Variants in ZNF469 observed in about 807,000 individuals in gnomAD.
The protein encoded by ZNF469 is zinc finger protein 469.
ZNF469 carries 1 observed loss-of-function variant against 1.0 expected under a neutral mutation model. The observed-to-expected ratio is 1.00, with a 90% confidence interval of 0.35 to 4.73. The LOEUF (loss-of-function observed/expected upper bound fraction) is 4.73. ZNF469 is among the 30% of genes most tolerant of loss of function. The pLI is 0.16. For missense variants in ZNF469, 6,100 were observed against 5,356.3 expected, an observed-to-expected ratio of 1.14 and a Z score of -4.33; for synonymous variants, 2,703 against 2,363.4, an observed-to-expected ratio of 1.14 and a Z score of -4.17.
chr16:88,435,296 A>G lies in ZNF469; in HGVS notation c.7826A>G (p.Lys2609Arg), dbSNP rs1906489981. 3 of 1,550,228 alleles carry G rather than the reference A, an allele frequency of 1.9e-6. No homozygotes were observed. Among genetic ancestry groups the G allele is most frequent in the South Asian group, 1.2e-5 (1 of 84,066 alleles). The change falls in exon 3 of 3, where the codon AAA becomes AGA. Residue 2609 changes from lysine (K) to arginine (R), a missense_variant. Lys to Arg is a conservative substitution (Grantham distance 26, BLOSUM62 2). Transcript: ENST00000565624. ...EDELHPKQAE[K>R]REGRRWRREP... The stretch of plus-strand genomic sequence containing the variant: ...GAGCTGCATCCCAAACAGGCAGAAA[A>G]AAGAGAAGGCCGGAGGTGGCGCCGA...
At chr16:88,195,956 G>A in the ZNF469 span, among the ~76,000 whole-genome samples, 2 of 152,226 alleles carry the variant, frequency 1.3e-5, no homozygotes, top group Non-Finnish European at 2.9e-5. Context: ...ATTAACTTGG[G>A]AAACTGGAAT....
At chr16:88,182,126 A>G in the ZNF469 span, among the ~76,000 whole-genome samples, 11,938 of 152,264 alleles carry the variant, frequency 0.078, 716 homozygotes, top group East Asian at 0.23. Flanking sequence ...AATATTCACC[A>G]TAACATCACA....
intron 1 of ZNF469, among the ~76,000 whole-genome samples, chr16:88,423,049 A>G (rs970865404): frequency 6.7e-6 from 1 of 149,326 alleles, no homozygotes; most frequent in African/African-American, 2.5e-5. Flanking sequence ...AGGTGGGTGG[A>G]TGGATGGGTA....
At position 88,435,708 on chromosome 16, in the gene ZNF469, G is replaced by A. The variant is rs372014903; in HGVS notation, c.8238G>A (p.Gly2746=). 7 of 1,550,636 alleles carry A rather than the reference G, an allele frequency of 4.5e-6. No individual in the cohort carries two copies. Among genetic ancestry groups the A allele is most frequent in the Non-Finnish European group, 5.2e-6 (6 of 1,147,012 alleles). Residue 2746 remains glycine (G), a synonymous_variant, in exon 3 of 3, where the codon GGG becomes GGA. Coordinates refer to ENST00000565624, the MANE Select transcript of ZNF469 (RefSeq NM_001367624.2). ...DGAALGEQPT[G]QKGASARGFW... ...CAGCTCTGGGGGAACAGCCAACTGG[G>A]CAGAAGGGAGCCTCGGCAAGGGGGT...
chr16:88,108,363 C>T, the ZNF469 span, among the ~76,000 whole-genome samples: 1 of 152,174 alleles, frequency 6.6e-6, no homozygotes, highest in Non-Finnish European at 1.5e-5. Flanking sequence ...GGTCTGGCTG[C>T]TGGTGCAGCC....
At chr16:88,399,389 A>T (rs920780988) in intron 1 of ZNF469, among the ~76,000 whole-genome samples, 11 of 152,300 alleles carry the variant, frequency 7.2e-5, no homozygotes, top group Admixed American at 6.5e-4. Context: ...ACATTCAATT[A>T]CTTGCCCAGA....
the ZNF469 span, among the ~76,000 whole-genome samples, chr16:88,373,985 GTGAGACT>G: frequency 6.6e-6 from 1 of 151,454 alleles, no homozygotes; most frequent in Admixed American, 6.6e-5. Context: ...GGGCAACAGA[GTGAGACT>G]TTGTCTAAAA....
chr16:88,314,094 A>C, the ZNF469 span, among the ~76,000 whole-genome samples: 15 of 136,960 alleles, frequency 1.1e-4, no homozygotes, highest in African/African-American at 3.2e-4. Context: ...GATTATGATG[A>C]TGCTGCTGTG....
At chr16:88,233,941 C>T in the ZNF469 span, among the ~76,000 whole-genome samples, 74 of 152,358 alleles carry the variant, frequency 4.9e-4, 1 homozygote, top group East Asian at 0.013. Flanking sequence ...AGGGATTTGG[C>T]CTGTTTGTCA....
the ZNF469 span, among the ~76,000 whole-genome samples, chr16:88,181,233 G>C: frequency 2.0e-5 from 3 of 152,168 alleles, no homozygotes; most frequent in Admixed American, 1.3e-4. Flanking sequence ...ACCACGCCTG[G>C]CTAATTTTTT....
chr16:88,271,589 G>C, the ZNF469 span, among the ~76,000 whole-genome samples: 1 of 140,042 alleles, frequency 7.1e-6, no homozygotes, highest in African/African-American at 2.5e-5. Flanking sequence ...GCATCCAGGG[G>C]GCCAGGCCCC....
the ZNF469 span, among the ~76,000 whole-genome samples, chr16:88,265,158 T>TC: frequency 5.3e-5 from 8 of 151,752 alleles, no homozygotes; most frequent in South Asian, 2.1e-4. Context: ...CAATGGGGAG[T>TC]CCCGCTCTGC....
the ZNF469 span, among the ~76,000 whole-genome samples, chr16:88,344,189 C>T: frequency 2.7e-5 from 4 of 149,162 alleles, no homozygotes; most frequent in African/African-American, 5.0e-5. Flanking sequence ...CCAGAGGAGC[C>T]GAAGGAGACA....
chr16:88,132,267 C>T, the ZNF469 span, among the ~76,000 whole-genome samples: 1 of 152,264 alleles, frequency 6.6e-6, no homozygotes, highest in Non-Finnish European at 1.5e-5. Flanking sequence ...GAAGTGATCC[C>T]AGTCACTCGG....
chr16:88,240,950 C>G, the ZNF469 span, among the ~76,000 whole-genome samples: 2 of 152,118 alleles, frequency 1.3e-5, no homozygotes, highest in Non-Finnish European at 2.9e-5. Flanking sequence ...ACCCCAGGGG[C>G]TGGGCGGAAA....
chr16:88,432,753 T>C lies in ZNF469; in HGVS notation c.5283T>C (p.Ser1761=), dbSNP rs1183084506. 17 of 1,550,270 alleles carry C rather than the reference T, an allele frequency of 1.1e-5. No individual in the cohort carries two copies. Among genetic ancestry groups the C allele is most frequent in the African/African-American group, 2.7e-5 (2 of 73,052 alleles). ...KNKEAASSQE[S]EDSLRLLPCE... Reference sequence around the variant, plus strand: ...AGGAGGCCGCCAGCTCACAAGAAAGTGAAGACTCCCTGCGGCTGCTTCCCT... The same window carrying C: ...AGGAGGCCGCCAGCTCACAAGAAAGCGAAGACTCCCTGCGGCTGCTTCCCT... Residue 1761 remains serine, a synonymous_variant, in exon 3 of 3, where the codon AGT becomes AGC. Coordinates refer to ENST00000565624, the MANE Select transcript of ZNF469 (RefSeq NM_001367624.2).
chr16:88,112,604 T>C, the ZNF469 span, among the ~76,000 whole-genome samples: 2 of 152,130 alleles, frequency 1.3e-5, no homozygotes, highest in Non-Finnish European at 2.9e-5. Context: ...TCTATTCAGA[T>C]CTTTTGCCCA....
chr16:88,392,484 G>A (rs1285801965), intron 1 of ZNF469, among the ~76,000 whole-genome samples: 1 of 152,212 alleles, frequency 6.6e-6, no homozygotes, highest in African/African-American at 2.4e-5. Flanking sequence ...CTGAGAGTTC[G>A]TTCCTTAAAA....
chr16:88,231,052 C>T, the ZNF469 span, among the ~76,000 whole-genome samples: 2 of 152,172 alleles, frequency 1.3e-5, no homozygotes, highest in Middle Eastern at 3.2e-3. The surrounding 1 kb of genome is among the most constrained non-coding windows in gnomAD (Gnocchi z 4.5). Flanking sequence ...ACCAGCCGCA[C>T]GTGCCCTCCC....
Sources: allele counts gnomAD v4.1 joint callset (sites outside exome capture counted in the v4.1 genomes callset), GRCh38; gene constraint gnomAD v4.1.1; non-coding constraint Gnocchi (gnomAD v3.1); transcripts MANE v1.5; gene names NCBI Gene and HGNC (gene_info 2026-07-23, HGNC 2026-07-21).